Variants in ZNF783 observed in about 807,000 individuals in gnomAD.
The protein encoded by ZNF783 is protein ZNF783.
Under a neutral mutation model 31.3 loss-of-function variants are expected in ZNF783, and 25 were observed. The observed-to-expected ratio is 0.80, with a 90% CI of 0.58 to 1.11. ZNF783 has a LOEUF of 1.11. Ranked by LOEUF, ZNF783 falls within the 50% of genes most tolerant of loss-of-function variation. ZNF783 has a pLI of 0.00. For missense variants in ZNF783, 797 were observed against 760.0 expected (o/e 1.05, Z -0.57); for synonymous variants, 369 against 319.1 (o/e 1.16, Z -1.66).
chr7:149,278,767 G>C (rs1260405212), intron 5 of ZNF783, among the ~76,000 whole-genome samples: 3 of 152,142 alleles, frequency 2.0e-5, no homozygotes, highest in African/African-American at 7.2e-5. Context: ...GGGTTCCTCT[G>C]CGTGTTGGGG....
Position 149,272,887 on chromosome 7 carries a change from C to T in ZNF783, c.674-5512C>T, listed in dbSNP as rs10237721. 2.1e-3 allele frequency among the ~76,000 whole-genome samples: 321 copies of T among 151,816 alleles called. 2 individuals carry two copies. Among genetic ancestry groups the T allele is most frequent in the African/African-American group, 7.3e-3 (303 of 41,380 alleles). ...CATTAACCATCTCTACTTCCCCCCT[C>T]GCACCTTCCCCCAACCCTTCCCAGC... On this transcript the variant is annotated intron_variant, in intron 4 of 5. Coordinates refer to ENST00000434415, the MANE Select transcript of ZNF783 (RefSeq NM_001195220.2).
At chr7:149,271,651 C>T (rs755812802) in intron 4 of ZNF783, among the ~76,000 whole-genome samples, 3 of 152,074 alleles carry the variant, frequency 2.0e-5, no homozygotes, top group African/African-American at 4.8e-5. Context: ...TTTATGTTTG[C>T]GAAGTCAAAA....
intron 4 of ZNF783, among the ~76,000 whole-genome samples, chr7:149,273,424 T>G (rs1797254939): frequency 6.6e-6 from 1 of 152,202 alleles, no homozygotes; most frequent in South Asian, 2.1e-4. Context: ...TTATTGCCCG[T>G]CTTTTGGATA....
chr7:149,262,386 G>T, intron 1 of ZNF783, 29 bp downstream of exon 1: 1 of 1,255,002 alleles, frequency 8.0e-7, no homozygotes, highest in Non-Finnish European at 1.0e-6. Flanking sequence ...GCGGACGCCC[G>T]GAAGGCCCAG....
rs370091317 is a variant in ZNF783 at position 149,282,179 on chromosome 7, C to A, written c.1477C>A (p.Pro493Thr). 1.6e-5 allele frequency: 26 copies of A among 1,601,006 alleles called. No homozygotes were observed. In the African/African-American group the frequency reaches 3.1e-4, roughly 19 times the overall value. ...RHQRIHTGER[P>T]YQCPQCGRTF... ...CCAGCGCATCCACACCGGTGAGCGG[C>A]CCTACCAGTGCCCCCAGTGTGGCCG... The change falls in exon 6 of 6, where the codon CCC becomes ACC. Residue 493 changes from proline to threonine, a missense_variant. Coordinates refer to ENST00000434415, the MANE Select transcript of ZNF783 (RefSeq NM_001195220.2).
intron 4 of ZNF783, 38 bp downstream of exon 4, chr7:149,267,260 G>A: frequency 6.5e-7 from 1 of 1,548,284 alleles, no homozygotes; most frequent in Non-Finnish European, 8.6e-7. Context: ...GGGGCCGCCA[G>A]GGGCTAGCTG....
chr7:149,280,897 G>A (rs1797451970), intron 5 of ZNF783, among the ~76,000 whole-genome samples: 1 of 152,260 alleles, frequency 6.6e-6, no homozygotes, highest in Admixed American at 6.5e-5. Flanking sequence ...CAACCTGGGA[G>A]TTGAGTGAGA....
rs189504254 is a variant in ZNF783, at chr7:149,282,452, A to G, written c.*109A>G. 3.3e-3 allele frequency: 3,352 copies of G among 1,005,772 alleles called. 10 individuals are homozygous for G. Among genetic ancestry groups the G allele is most frequent in the Non-Finnish European group, 4.4e-3 (3,151 of 715,206 alleles). 62.3% of individuals were successfully genotyped at this position (1,005,772 alleles called of 1,614,324 possible). The stretch of plus-strand genomic sequence containing the variant: ...AGGTTTGTTGTTTTTACCCATTCAA[A>G]TGGGAAGCTAGCTGCCCTTCTGGTG... On this transcript the variant is annotated 3_prime_UTR_variant, in exon 6 of 6. Coordinates refer to ENST00000434415, the MANE Select transcript of ZNF783 (RefSeq NM_001195220.2).
At position 149,266,965 on chromosome 7, in the gene ZNF783, A is replaced by T. The variant is rs576211446; in HGVS notation, c.547+20A>T. On this transcript the variant is annotated intron_variant, in intron 3 of 5. Transcript: ENST00000434415. Reference sequence around the variant, plus strand: ...CCCTGGGTAAGGCCACGGAGGGAGGATCTGGGCCTCTGTCCACAGGTTGTC... The same window carrying T: ...CCCTGGGTAAGGCCACGGAGGGAGGTTCTGGGCCTCTGTCCACAGGTTGTC... The T allele has an allele frequency of 6.2e-7, 1 of 1,613,556 alleles. No homozygotes were observed. The highest frequency in any genetic ancestry group is 1.3e-5 in the African/African-American group (1 of 74,820).
rs878949546 is a variant in ZNF783 at position 149,267,273 on chromosome 7, C to A, written c.673+51C>A. ...GGGGGGCCGCCAGGGGCTAGCTGCA[C>A]CATCGCCTACCCTCTCGGGCTTCCC... On this transcript the variant is annotated intron_variant, in intron 4 of 5. Coordinates refer to ENST00000434415, the MANE Select transcript of ZNF783 (RefSeq NM_001195220.2). 2.0e-6 allele frequency: 3 copies of A among 1,537,056 alleles called. No homozygotes were observed. The South Asian group carries it at 3.8e-5, about 20-fold the overall frequency.
chr7:149,265,445 G>C (rs183957981), intron 1 of ZNF783, among the ~76,000 whole-genome samples: 53 of 152,316 alleles, frequency 3.5e-4, no homozygotes, highest in Non-Finnish European at 6.3e-4. Flanking sequence ...TGCTCAGGCT[G>C]CCTTGGTTCC....
At chr7:149,264,901 A>G (rs905957844) in intron 1 of ZNF783, among the ~76,000 whole-genome samples, 9 of 150,394 alleles carry the variant, frequency 6.0e-5, no homozygotes, top group South Asian at 4.2e-4. Flanking sequence ...AAGATTAACA[A>G]TTACTCTGTG....
Position 149,284,801 on chromosome 7 carries a change from G to A in ZNF783, c.*2458G>A, listed in dbSNP as rs1024148905. On this transcript the variant is annotated 3_prime_UTR_variant, in exon 6 of 6. Transcript: ENST00000434415. ...TGAAACAAGTCAACCGAAGCTTTGT[G>A]GTGCAGGAGCTGAGGGTGCCCCAGA... 3 of 152,304 alleles carry A rather than the reference G, an allele frequency of 2.0e-5. No homozygotes were observed. Among genetic ancestry groups the A allele is most frequent in the South Asian group, 2.1e-4 (1 of 4,820 alleles). The allele number at this position is 152,304 out of a possible 1,614,324, so 9.4% of individuals were successfully genotyped here.
intron 4 of ZNF783, among the ~76,000 whole-genome samples, chr7:149,273,442 T>A (rs1797255346): frequency 6.6e-6 from 1 of 152,198 alleles, no homozygotes; most frequent in African/African-American, 2.4e-5. Flanking sequence ...ATAAAAGACA[T>A]CTTAACTGGG....
intron 1 of ZNF783, among the ~76,000 whole-genome samples, chr7:149,262,678 G>GCC (rs1563192533): frequency 6.6e-6 from 1 of 152,176 alleles, no homozygotes; most frequent in African/African-American, 2.4e-5. Context: ...GAGGCCTCGC[G>GCC]GCCCCCCCTA....
chr7:149,273,923 AT>A, intron 4 of ZNF783, among the ~76,000 whole-genome samples: 1 of 152,042 alleles, frequency 6.6e-6, no homozygotes, highest in Non-Finnish European at 1.5e-5. Flanking sequence ...GGGTAATTAG[AT>A]TTTTTTCCTA....
chr7:149,276,743 C>A, intron 4 of ZNF783: 1 of 481,164 alleles, frequency 2.1e-6, no homozygotes, highest in South Asian at 9.0e-5. Flanking sequence ...ACAATCATGG[C>A]TCACTGCAGC....
chr7:149,266,946 G>T lies in ZNF783; in HGVS notation c.547+1G>T, dbSNP rs371205955. ...AACTACGAGACGCTGGTCTCCCTGG[G>T]TAAGGCCACGGAGGGAGGATCTGGG... On this transcript the variant is annotated splice_donor_variant, in intron 3 of 5. Transcript: ENST00000434415. LOFTEE classifies it high-confidence loss of function. 2.1e-5 allele frequency: 34 copies of T among 1,614,000 alleles called. No homozygotes were observed. The highest frequency in any genetic ancestry group is 2.7e-5 in the Non-Finnish European group (32 of 1,180,030).
At chr7:149,281,465 G>T in intron 5 of ZNF783, 40 bp from the exon 6 acceptor site, 1 of 1,420,510 alleles carries the variant, frequency 7.0e-7, no homozygotes, top group Non-Finnish European at 9.2e-7. Flanking sequence ...GGACAGGGTG[G>T]TGAGGTCCAC....
Sources: allele counts gnomAD v4.1 joint callset (sites outside exome capture counted in the v4.1 genomes callset), GRCh38; gene constraint gnomAD v4.1.1; transcripts MANE v1.5; gene names NCBI Gene and HGNC (gene_info 2026-07-23, HGNC 2026-07-21).